The following CAST variants were observed in gnomAD, a reference collection of about 807,000 sequenced individuals.
CAST encodes calpastatin.
Under a neutral mutation model 119.6 loss-of-function variants are expected in CAST, and 76 were observed. The ratio of observed to expected loss-of-function variants is 0.64; its 90% CI spans 0.53 to 0.77. CAST has a LOEUF of 0.77. Ranked by LOEUF, CAST falls within the 30% of genes least tolerant of loss-of-function variation. The probability of loss-of-function intolerance (pLI) is 0.00; values close to 1 mark genes in which losing one functional copy is unlikely to be tolerated. For missense variants in CAST, 953 were observed against 946.5 expected (o/e 1.01, Z -0.09); for synonymous variants, 319 against 331.6 (o/e 0.96, Z 0.41).
At chr5:96,526,756 A>G (rs1745602558), upstream of CAST, among the ~76,000 whole-genome samples, 1 of 152,232 alleles carries the variant, frequency 6.6e-6, no homozygotes, top group Admixed American at 6.5e-5. Context: ...TGTAAGCCAA[A>G]GTGTCTGAGA....
the CAST span, among the ~76,000 whole-genome samples, chr5:96,462,005 G>A: frequency 6.6e-6 from 1 of 152,080 alleles, no homozygotes; most frequent in East Asian, 1.9e-4. Context: ...GTACAATGAA[G>A]CAGTATAGCA....
At chr5:96,030,148 C>T in the CAST span, among the ~76,000 whole-genome samples, 3 of 152,096 alleles carry the variant, frequency 2.0e-5, no homozygotes, top group Admixed American at 6.6e-5. Flanking sequence ...CATCAACACA[C>T]TATTTAGACA....
rs73136659 is a variant in CAST at position 96,638,475 on chromosome 5, C to G, written c.61-37064C>G. On this transcript the variant is annotated intron_variant, in intron 1 of 11. Transcript: ENST00000505143. The stretch of plus-strand genomic sequence containing the variant: ...GCAATGGCATTACTAGGCCCTTCAT[C>G]CAAATTGCTTCTCTTCCATAGGAAA... Among the ~76,000 whole-genome samples the G allele has an allele frequency of 8.4e-3, 1,286 of 152,262 alleles. 22 individuals carry two copies. Among genetic ancestry groups the G allele is most frequent in the African/African-American group, 0.028 (1,179 of 41,558 alleles).
At chr5:96,495,291 T>C in the CAST span, among the ~76,000 whole-genome samples, 7 of 152,186 alleles carry the variant, frequency 4.6e-5, no homozygotes, top group African/African-American at 1.7e-4. Context: ...GGGATGTATG[T>C]GCAGAACATG....
At chr5:96,088,189 A>G in the CAST span, among the ~76,000 whole-genome samples, 8 of 152,192 alleles carry the variant, frequency 5.3e-5, no homozygotes, top group Admixed American at 1.3e-4. Flanking sequence ...GTTGTGTAAT[A>G]TTTGTGCACA....
At chr5:96,320,774 A>G in the CAST span, among the ~76,000 whole-genome samples, 1 of 152,192 alleles carries the variant, frequency 6.6e-6, no homozygotes, top group African/African-American at 2.4e-5. Context: ...ATAGAATTGC[A>G]GAATAGTTCA....
intron 1 of CAST, among the ~76,000 whole-genome samples, chr5:96,554,734 C>T (rs7711624): frequency 0.014 from 2,202 of 152,134 alleles, 79 homozygotes; most frequent in African/African-American, 0.051. Flanking sequence ...CAACAAAAAA[C>T]GGGCAAAGGA....
Position 96,763,143 on chromosome 5 carries a change from C to T in CAST, c.1932+771C>T, listed in dbSNP as rs898155816. On this transcript the variant is annotated intron_variant, in intron 25 of 31. Transcript: ENST00000675179. ...AGCGAAGTCAGCTATGCTTCCATTC[C>T]GTTTGATGTAGCATCAAAGCATATT... The T allele has an allele frequency of 1.8e-5, 14 of 780,092 alleles. No homozygotes were observed. In the Middle Eastern group the frequency reaches 6.7e-4, roughly 38 times the overall value. The allele number at this position is 780,092 out of a possible 1,614,324, so 48.3% of individuals were successfully genotyped here.
the CAST span, among the ~76,000 whole-genome samples, chr5:96,289,323 C>A: frequency 6.6e-6 from 1 of 152,060 alleles, no homozygotes; most frequent in African/African-American, 2.4e-5. Context: ...GAATTCTAAT[C>A]CTGGCTGATA....
At chr5:96,508,521 G>A in the CAST span, among the ~76,000 whole-genome samples, 1 of 152,084 alleles carries the variant, frequency 6.6e-6, no homozygotes, top group Non-Finnish European at 1.5e-5. Context: ...TGAATTTTGG[G>A]GAGTCCATAA....
chr5:96,550,737 T>A (rs1746111246), intron 1 of CAST, among the ~76,000 whole-genome samples: 1 of 152,154 alleles, frequency 6.6e-6, no homozygotes, highest in South Asian at 2.1e-4. Flanking sequence ...CTGATGGAGC[T>A]GAAAACCACA....
chr5:96,326,826 C>G, the CAST span, among the ~76,000 whole-genome samples: 1 of 147,538 alleles, frequency 6.8e-6, no homozygotes, highest in African/African-American at 2.5e-5. Context: ...TCACCAAGTT[C>G]TATTCTTCTA....
chr5:96,004,353 T>C, the CAST span, among the ~76,000 whole-genome samples: 1 of 152,212 alleles, frequency 6.6e-6, no homozygotes, highest in South Asian at 2.1e-4. Flanking sequence ...TTAGAAAGAT[T>C]ATGTGAAAGG....
the CAST span, among the ~76,000 whole-genome samples, chr5:96,432,545 T>C: frequency 1.3e-5 from 2 of 152,164 alleles, no homozygotes; most frequent in African/African-American, 4.8e-5. Flanking sequence ...TATCTCAAGT[T>C]CCCTGAACAA....
chr5:96,292,041 A>G, the CAST span, among the ~76,000 whole-genome samples: 1 of 151,828 alleles, frequency 6.6e-6, no homozygotes, highest in Admixed American at 6.6e-5. Flanking sequence ...GCCTTTTTTC[A>G]CCCTTCTCCT....
the CAST span, among the ~76,000 whole-genome samples, chr5:96,425,044 G>GAAAGAAAGAAAA: frequency 5.7e-4 from 72 of 127,182 alleles, 1 homozygote; most frequent in African/African-American, 1.8e-3. Context: ...AAGAAAGAAA[G>GAAAGAAAGAAAA]AAAGAAAGAA....
the CAST span, among the ~76,000 whole-genome samples, chr5:96,154,118 A>C: frequency 3.9e-5 from 6 of 152,064 alleles, no homozygotes; most frequent in African/African-American, 9.7e-5. Context: ...TCTACTAAAA[A>C]AACCGAAAAA....
chr5:96,302,728 C>T, the CAST span, among the ~76,000 whole-genome samples: 2 of 152,214 alleles, frequency 1.3e-5, no homozygotes, highest in Non-Finnish European at 2.9e-5. Flanking sequence ...GCAAGAAGGA[C>T]CTTTATTCCA....
the CAST span, among the ~76,000 whole-genome samples, chr5:95,999,055 A>ATT: frequency 2.7e-5 from 4 of 150,418 alleles, no homozygotes; most frequent in African/African-American, 1.0e-4. Flanking sequence ...CTTTTTTGAG[A>ATT]TTTTTTTAGT....
Sources: allele counts gnomAD v4.1 joint callset (sites outside exome capture counted in the v4.1 genomes callset), GRCh38; gene constraint gnomAD v4.1.1; transcripts MANE v1.5; gene names NCBI Gene and HGNC (gene_info 2026-07-23, HGNC 2026-07-21).